The following VWA5B1 variants were observed in gnomAD, a reference collection of about 807,000 sequenced individuals.
VWA5B1 encodes von Willebrand factor A domain containing 5B1.
A neutral mutation model predicts 118.2 loss-of-function variants in VWA5B1; 115 were observed. The observed-to-expected ratio is 0.97, with a 90% CI of 0.84 to 1.14. The LOEUF (loss-of-function observed/expected upper bound fraction) is 1.14. Ranked by LOEUF, VWA5B1 falls within the 50% of genes most tolerant of loss-of-function variation. The pLI is 0.00. For synonymous variants in VWA5B1, 682 were observed against 658.4 expected (o/e 1.04, Z -0.55); for missense variants, 1,596 against 1,603.8 (o/e 1.00, Z 0.08).
intron 1 of VWA5B1, among the ~76,000 whole-genome samples, chr1:20,308,880 T>C (rs961166753): frequency 6.6e-6 from 1 of 152,106 alleles, no homozygotes; most frequent in Non-Finnish European, 1.5e-5. Flanking sequence ...TAGTCAGCAC[T>C]CACTGAACAG....
chr1:20,316,205 A>C (rs1450646148), intron 4 of VWA5B1, among the ~76,000 whole-genome samples: 1 of 152,188 alleles, frequency 6.6e-6, no homozygotes, highest in Non-Finnish European at 1.5e-5. Flanking sequence ...GGGGACATCC[A>C]CCCTGGAAAG....
At chr1:20,347,302 A>C (rs1488822553) in intron 17 of VWA5B1, among the ~76,000 whole-genome samples, 1 of 152,274 alleles carries the variant, frequency 6.6e-6, no homozygotes, top group Non-Finnish European at 1.5e-5. Flanking sequence ...GGCTCAGAGA[A>C]TGGGCTACAG....
At chr1:20,325,066 A>G (rs1160715975) in intron 8 of VWA5B1, among the ~76,000 whole-genome samples, 2 of 152,032 alleles carry the variant, frequency 1.3e-5, no homozygotes, top group Non-Finnish European at 2.9e-5. Flanking sequence ...CATTTAATCC[A>G]TTTTCCCTCC....
chr1:20,294,913 A>G lies in VWA5B1; in HGVS notation c.-27+3825A>G, dbSNP rs142566188. Among the ~76,000 whole-genome samples the G allele has an allele frequency of 4.5e-4, 69 of 152,318 alleles. No homozygotes were observed. In the East Asian group the frequency reaches 0.013, roughly 29 times the overall value. The stretch of plus-strand genomic sequence containing the variant: ...CTCCCATGAGGTTTTACTAATCTCT[A>G]CTTTACAGGTGATAAAACTGAGCCT... On this transcript the variant is annotated intron_variant, in intron 1 of 21. Coordinates refer to ENST00000289815, the MANE Select transcript of VWA5B1 (RefSeq NM_001039500.3).
rs2090231057 is a variant in VWA5B1, at chr1:20,356,440, C to T, written c.*2177C>T. On this transcript the variant is annotated 3_prime_UTR_variant, in exon 22 of 22. Coordinates refer to ENST00000289815, the MANE Select transcript of VWA5B1 (RefSeq NM_001039500.3). Reference sequence around the variant, plus strand: ...GTGTGTGTTCTGGGCCTCTTTCTTCCTCTACATAACCAGGCTGAACTGGGC... The same window carrying T: ...GTGTGTGTTCTGGGCCTCTTTCTTCTTCTACATAACCAGGCTGAACTGGGC... Among the ~76,000 whole-genome samples the T allele has an allele frequency of 6.6e-6, 1 of 152,182 alleles. No individual in the cohort carries two copies. The highest frequency in any genetic ancestry group is 2.4e-5 in the African/African-American group (1 of 41,442).
intron 8 of VWA5B1, among the ~76,000 whole-genome samples, chr1:20,324,863 C>T (rs2089329748): frequency 6.6e-6 from 1 of 152,138 alleles, no homozygotes; most frequent in South Asian, 2.1e-4. Flanking sequence ...CTGATTGGCA[C>T]CTTCTTCCCC....
At chr1:20,320,097 G>A (rs971786020) in intron 7 of VWA5B1, among the ~76,000 whole-genome samples, 3 of 152,184 alleles carry the variant, frequency 2.0e-5, no homozygotes, top group East Asian at 1.9e-4. Context: ...TCTGCCTCCC[G>A]CTCATGGTCC....
intron 12 of VWA5B1, among the ~76,000 whole-genome samples, chr1:20,334,384 A>G (rs192760936): frequency 2.6e-5 from 4 of 152,276 alleles, no homozygotes; most frequent in Non-Finnish European, 5.9e-5. Flanking sequence ...CATCAAATCC[A>G]TTCTCCTTTG....
intron 1 of VWA5B1, among the ~76,000 whole-genome samples, chr1:20,296,341 C>T (rs892215052): frequency 3.3e-5 from 5 of 152,186 alleles, no homozygotes; most frequent in Admixed American, 6.5e-5. Flanking sequence ...GCTGATTATA[C>T]AAAGCCAAAG....
chr1:20,336,499 C>A lies in VWA5B1; in HGVS notation c.1942+13C>A. On this transcript the variant is annotated intron_variant, in intron 13 of 21. Transcript: ENST00000289815. ...ACCACCAAGCACGGTTCGTCTGCGG[C>A]TCTGATGATTGCTGCCTTACATTGA... 7.4e-7 allele frequency: 1 copy of A among 1,355,314 alleles called. No individual in the cohort carries two copies. The highest frequency in any genetic ancestry group is 2.1e-5 in the South Asian group (1 of 47,394). 84.0% of individuals were successfully genotyped at this position (1,355,314 alleles called of 1,614,324 possible).
Position 20,358,073 on chromosome 1 carries a change from T to C in VWA5B1, c.*3810T>C, listed in dbSNP as rs528603522. Among the ~76,000 whole-genome samples the C allele has an allele frequency of 1.3e-5, 2 of 152,190 alleles. No individual in the cohort carries two copies. The highest frequency in any genetic ancestry group is 2.9e-5 in the Non-Finnish European group (2 of 68,040). On this transcript the variant is annotated 3_prime_UTR_variant, in exon 22 of 22. Coordinates refer to ENST00000289815, the MANE Select transcript of VWA5B1 (RefSeq NM_001039500.3). Reference sequence around the variant, plus strand: ...TCCTTTGGCAGACTTACACTGGACTTGTCCATAAGCGGCCTCGGTTTCCAG... The same window carrying C: ...TCCTTTGGCAGACTTACACTGGACTCGTCCATAAGCGGCCTCGGTTTCCAG...
intron 4 of VWA5B1, among the ~76,000 whole-genome samples, chr1:20,315,416 A>G (rs1204601757): frequency 6.6e-6 from 1 of 152,236 alleles, no homozygotes; most frequent in Non-Finnish European, 1.5e-5. Context: ...GTACTTGGAC[A>G]GTTTCTCTGT....
chr1:20,328,049 G>A (rs1255294024), intron 9 of VWA5B1, 49 bp downstream of exon 9: 4 of 1,511,180 alleles, frequency 2.6e-6, no homozygotes, highest in Non-Finnish European at 3.6e-6. Context: ...ATGGTGGGGA[G>A]CAGAGGAAAG....
intron 2 of VWA5B1, 146 bp downstream of exon 2, chr1:20,310,886 T>C: frequency 8.2e-7 from 1 of 1,226,854 alleles, no homozygotes; most frequent in East Asian, 2.7e-5. Context: ...TGAGATTCTT[T>C]CTGCTTTGCA....
In VWA5B1 at chr1:20,336,491, G is replaced by A. The variant is rs943417759; in HGVS notation, c.1942+5G>A. On this transcript the variant is annotated splice_donor_5th_base_variant and intron_variant, in intron 13 of 21. Transcript: ENST00000289815. Reference sequence around the variant, plus strand: ...GAGACTCTACCACCAAGCACGGTTCGTCTGCGGCTCTGATGATTGCTGCCT... The same window carrying A: ...GAGACTCTACCACCAAGCACGGTTCATCTGCGGCTCTGATGATTGCTGCCT... The A allele has an allele frequency of 3.3e-5, 46 of 1,378,448 alleles. No homozygotes were observed. In the Admixed American group the frequency reaches 4.1e-4, roughly 12 times the overall value. 85.4% of individuals were successfully genotyped at this position (1,378,448 alleles called of 1,614,324 possible). A position where few individuals can be genotyped will look rare whatever the true frequency, so the allele number is the denominator to read the frequency against.
intron 18 of VWA5B1, among the ~76,000 whole-genome samples, chr1:20,349,936 G>A (rs988979068): frequency 3.9e-5 from 6 of 152,118 alleles, no homozygotes; most frequent in Admixed American, 3.9e-4. Context: ...GGTGGTAGTG[G>A]TGGCGGGGGT....
At chr1:20,327,790 T>C (rs2089432507) in intron 8 of VWA5B1, 100 bp from the exon 9 acceptor site, 3 of 1,014,344 alleles carry the variant, frequency 3.0e-6, no homozygotes, top group South Asian at 2.8e-5. Flanking sequence ...AAGGTCTGTT[T>C]GGAGGCTGCT....
chr1:20,346,593 C>A (rs1332762730), intron 17 of VWA5B1, among the ~76,000 whole-genome samples: 1 of 152,174 alleles, frequency 6.6e-6, no homozygotes, highest in Admixed American at 6.5e-5. Flanking sequence ...TACCAAACTG[C>A]CCCCTTACCA....
At position 20,343,105 on chromosome 1, in the gene VWA5B1, G is replaced by A. The variant is rs1391238659; in HGVS notation, c.2338G>A (p.Glu780Lys). Residue 780 changes from glutamate (E) to lysine (K), a missense_variant, in exon 16 of 22, where the codon GAG (glutamate) becomes AAG (lysine). Physicochemically the swap from Glu to Lys is moderately conservative, Grantham distance 56. Transcript: ENST00000289815. ...LEPSHHPSAF[E>K]TETSSDWDPP... is the part of the protein sequence containing the mutation. ...GCCGTCCCACCATCCCTCTGCCTTC[G>A]AGACAGAGACGTCCTCGGACTGGGA... 1 of 1,532,448 alleles carries A rather than the reference G, an allele frequency of 6.5e-7. No individual in the cohort carries two copies. 94.9% of individuals were successfully genotyped at this position (1,532,448 alleles called of 1,614,324 possible).
Sources: gnomAD v4.1 joint callset for allele counts (sites outside exome capture counted in the v4.1 genomes callset) on GRCh38, gnomAD v4.1.1 for gene constraint, MANE v1.5 for transcripts, NCBI Gene and HGNC (gene_info 2026-07-23, HGNC 2026-07-21) for gene names.